Variants in TMEM41B observed in about 807,000 individuals in gnomAD.
The protein encoded by TMEM41B is protein stasimon.
TMEM41B carries 18 observed loss-of-function variants against 31.9 expected under a neutral mutation model. That is an observed-to-expected ratio of 0.56 (90% CI 0.39 to 0.84). TMEM41B has a LOEUF of 0.84. Ranked by LOEUF, TMEM41B falls within the 40% of genes least tolerant of loss-of-function variation. The pLI is 0.00. For missense variants in TMEM41B, 322 were observed against 348.0 expected, an observed-to-expected ratio of 0.93 and a Z score of 0.59; for synonymous variants, 144 against 124.3, an observed-to-expected ratio of 1.16 and a Z score of -1.05.
chr11:9,309,133 G>A (rs1853470731), intron 1 of TMEM41B, among the ~76,000 whole-genome samples: 1 of 152,148 alleles, frequency 6.6e-6, no homozygotes, highest in African/African-American at 2.4e-5. Context: ...TGTAATCCCG[G>A]CTACTGGGGA....
intron 1 of TMEM41B, among the ~76,000 whole-genome samples, chr11:9,307,269 C>A (rs1386623549): frequency 1.3e-5 from 2 of 151,946 alleles, no homozygotes; most frequent in Non-Finnish European, 2.9e-5. Flanking sequence ...AAAAAAAATC[C>A]ATTTATCCTA....
At chr11:9,304,313 T>C (rs557564174) in intron 1 of TMEM41B, among the ~76,000 whole-genome samples, 1 of 152,304 alleles carries the variant, frequency 6.6e-6, no homozygotes, top group South Asian at 2.1e-4. Context: ...CCTAATTCAA[T>C]ACGTATCTTG....
intron 1 of TMEM41B, among the ~76,000 whole-genome samples, chr11:9,309,852 G>T (rs1421331646): frequency 3.3e-5 from 5 of 150,522 alleles, no homozygotes; most frequent in South Asian, 4.3e-4. Flanking sequence ...AACCCGGGAA[G>T]GGGAGGTTGC....
At chr11:9,307,898 G>A (rs1328975850) in intron 1 of TMEM41B, among the ~76,000 whole-genome samples, 3 of 151,896 alleles carry the variant, frequency 2.0e-5, no homozygotes, top group Non-Finnish European at 2.9e-5. Flanking sequence ...GGCACCACCC[G>A]CCACCTCTCC....
At chr11:9,295,414 G>C (rs943084381) in intron 2 of TMEM41B, 27 bp from the exon 3 acceptor site, 4 of 1,422,742 alleles carry the variant, frequency 2.8e-6, no homozygotes, top group Non-Finnish European at 3.8e-6. Context: ...AAAAATTTTA[G>C]AACAGAATTT....
At chr11:9,309,654 G>A (rs1258046166) in intron 1 of TMEM41B, among the ~76,000 whole-genome samples, 1 of 151,680 alleles carries the variant, frequency 6.6e-6, no homozygotes, top group African/African-American at 2.4e-5. Context: ...CAGGCGCAGT[G>A]GCTTACACCT....
At chr11:9,312,258 C>T (rs991715557) in intron 1 of TMEM41B, among the ~76,000 whole-genome samples, 1 of 152,234 alleles carries the variant, frequency 6.6e-6, no homozygotes, top group East Asian at 1.9e-4. Context: ...ATGGCTCATG[C>T]CTGTAATTCC....
intron 3 of TMEM41B, among the ~76,000 whole-genome samples, chr11:9,294,126 A>T (rs1439187677): frequency 7.1e-6 from 1 of 140,052 alleles, no homozygotes; most frequent in Admixed American, 7.9e-5. Context: ...GGCTGCAGTG[A>T]GCCATGATCA....
intron 1 of TMEM41B, among the ~76,000 whole-genome samples, 169 bp downstream of exon 1, chr11:9,314,152 T>C (rs1396905167): frequency 1.3e-5 from 2 of 152,238 alleles, no homozygotes; most frequent in East Asian, 1.9e-4. Context: ...TCCGGCCTTG[T>C]GCTGCGCGAG....
chr11:9,286,546 T>C lies in TMEM41B; in HGVS notation c.615A>G (p.Arg205=). The C allele has an allele frequency of 1.2e-6, 2 of 1,613,200 alleles. No homozygotes were observed. Among genetic ancestry groups the C allele is most frequent in the East Asian group, 4.5e-5 (2 of 44,870 alleles). ...ACCAATTAGGCAGAAATGGTGTTAT[T>C]CTCAAAAATATAATGTAGTTAATGA... The part of the protein sequence containing the change: ...EHLINYIIFL[R]ITPFLPNWFI... The change falls in exon 6 of 7, where the codon AGA becomes AGG. Residue 205 remains arginine, a synonymous_variant. Coordinates refer to ENST00000528080, the MANE Select transcript of TMEM41B (RefSeq NM_015012.4).
intron 1 of TMEM41B, among the ~76,000 whole-genome samples, chr11:9,303,547 T>A (rs1466766906): frequency 6.6e-6 from 1 of 152,156 alleles, no homozygotes. Flanking sequence ...TTCTTACCTA[T>A]TCATTAAATT....
intron 3 of TMEM41B, among the ~76,000 whole-genome samples, chr11:9,293,275 G>T (rs1001458823): frequency 2.0e-5 from 3 of 152,038 alleles, no homozygotes; most frequent in Non-Finnish European, 4.4e-5. Context: ...GCTAATTTTT[G>T]TATTTCTCGT....
At chr11:9,314,190 C>A (rs944499524) in intron 1 of TMEM41B, 131 bp downstream of exon 1, 18 of 1,247,354 alleles carry the variant, frequency 1.4e-5, no homozygotes, top group Middle Eastern at 5.6e-4. Context: ...CCCACGGTCT[C>A]TGCTCCCGCC....
chr11:9,284,490 C>T (rs1006308584), intron 6 of TMEM41B, among the ~76,000 whole-genome samples: 6 of 152,056 alleles, frequency 3.9e-5, no homozygotes, highest in Admixed American at 3.9e-4. Flanking sequence ...AGGCCCGGCA[C>T]AGTGGCTCAT....
intron 1 of TMEM41B, chr11:9,311,637 A>T: frequency 2.3e-6 from 2 of 876,050 alleles, no homozygotes; most frequent in East Asian, 4.9e-5. Flanking sequence ...AGGGCACCCA[A>T]TGTTGGGTGG....
chr11:9,302,007 GT>G (rs11297732), intron 1 of TMEM41B, among the ~76,000 whole-genome samples: 45,831 of 122,070 alleles, frequency 0.38, 6,195 homozygotes, highest in Middle Eastern at 0.43. Flanking sequence ...ATTTTTCTCG[GT>G]TTTTTTTTTT....
At position 9,314,385 on chromosome 11, in the gene TMEM41B, G is replaced by A. The variant is rs375583255; in HGVS notation, c.57C>T (p.Pro19=). 17 of 1,575,920 alleles carry A rather than the reference G, an allele frequency of 1.1e-5. No individual in the cohort carries two copies. The highest frequency in any genetic ancestry group is 6.8e-5 in the African/African-American group (5 of 73,582). ...GCGTCCCCGCTGCCCCGTCCCCCACGGGGGTCGTGTGGTGAGCGCCCAACT... is the reference window on the plus strand; with the variant it reads ...GCGTCCCCGCTGCCCCGTCCCCCACAGGGGTCGTGTGGTGAGCGCCCAACT... ...RSQLGAHHTT[P]VGDGAAGTRG... is the part of the protein sequence containing the mutation. Residue 19 remains proline (P), a synonymous_variant, in exon 1 of 7, where the codon CCC becomes CCT. Transcript: ENST00000528080.
rs184672323 is a variant in TMEM41B at position 9,302,980 on chromosome 11, A to G, written c.122-3279T>C. ...GGCAACACAGTGAGACCCTATCTCT[A>G]AAAGGAACCAAATAATGTGAAGTGT... On this transcript the variant is annotated intron_variant, in intron 1 of 6. Coordinates refer to ENST00000528080, the MANE Select transcript of TMEM41B (RefSeq NM_015012.4). 6.0e-5 allele frequency among the ~76,000 whole-genome samples: 6 copies of G among 100,140 alleles called. 2 individuals carry two copies. The highest frequency in any genetic ancestry group is 2.3e-4 in the African/African-American group (6 of 26,018). The allele number at this position is 100,140 out of a possible 152,430, so 65.7% of individuals were successfully genotyped here.
chr11:9,304,816 C>T (rs932590257), intron 1 of TMEM41B, among the ~76,000 whole-genome samples: 3 of 152,124 alleles, frequency 2.0e-5, no homozygotes, highest in African/African-American at 7.2e-5. Flanking sequence ...CGCCACCATG[C>T]CCAGATAATT....
Sources: gnomAD v4.1 joint callset for allele counts (sites outside exome capture counted in the v4.1 genomes callset) on GRCh38, gnomAD v4.1.1 for gene constraint, MANE v1.5 for transcripts, NCBI Gene and HGNC (gene_info 2026-07-23, HGNC 2026-07-21) for gene names.